The following TRIM14 variants were observed in gnomAD, a reference collection of about 807,000 sequenced individuals.
The protein encoded by TRIM14 is tripartite motif-containing protein 14.
TRIM14 carries 28 observed loss-of-function variants against 44.5 expected under a neutral mutation model. The ratio of observed to expected loss-of-function variants is 0.63; its 90% CI spans 0.47 to 0.86. The LOEUF is 0.86. Ranked by LOEUF, TRIM14 falls within the 40% of genes least tolerant of loss-of-function variation. The pLI is 0.00. For synonymous variants in TRIM14, 299 were observed against 269.2 expected (o/e 1.11, Z -1.08); for missense variants, 607 against 611.1 (o/e 0.99, Z 0.07).
chr9:98,047,252 G>A, the TRIM14 span, among the ~76,000 whole-genome samples: 14 of 152,226 alleles, frequency 9.2e-5, no homozygotes, highest in South Asian at 6.2e-4. Context: ...CATGTAAGAC[G>A]TGCCTTTTGC....
chr9:98,117,334 G>A (rs1458276461), intron 1 of TRIM14, among the ~76,000 whole-genome samples: 3 of 151,884 alleles, frequency 2.0e-5, no homozygotes, highest in African/African-American at 7.3e-5. Context: ...GTCTCACTCT[G>A]TCATCCAGGC....
intron 2 of TRIM14, among the ~76,000 whole-genome samples, chr9:98,102,641 G>A (rs1826441650): frequency 6.6e-6 from 1 of 152,166 alleles, no homozygotes; most frequent in African/African-American, 2.4e-5. Flanking sequence ...CAAATTTATA[G>A]AGACAGAAAG....
At chr9:98,105,686 T>C (rs1826584786) in intron 2 of TRIM14, among the ~76,000 whole-genome samples, 1 of 152,160 alleles carries the variant, frequency 6.6e-6, no homozygotes, top group South Asian at 2.1e-4. Context: ...TGAAGCTAAG[T>C]GACCTGGAAG....
chr9:98,078,951 T>C (rs1223689508), intron 6 of TRIM14, among the ~76,000 whole-genome samples: 1 of 152,210 alleles, frequency 6.6e-6, no homozygotes, highest in Non-Finnish European at 1.5e-5. Context: ...ATTCATCTTT[T>C]TTCATACTGA....
downstream of TRIM14, among the ~76,000 whole-genome samples, chr9:98,083,541 T>C (rs1315129573): frequency 6.6e-6 from 1 of 152,234 alleles, no homozygotes; most frequent in African/African-American, 2.4e-5. Context: ...CAAAGGATCT[T>C]GTAGGCAGAA....
At chr9:98,102,622 T>G (rs1826440664) in intron 2 of TRIM14, among the ~76,000 whole-genome samples, 2 of 152,176 alleles carry the variant, frequency 1.3e-5, no homozygotes, top group South Asian at 4.1e-4. Flanking sequence ...GTGAAACATC[T>G]AGACCAGGCA....
At chr9:98,111,764 C>G (rs572204972) in intron 1 of TRIM14, among the ~76,000 whole-genome samples, 1 of 152,052 alleles carries the variant, frequency 6.6e-6, no homozygotes, top group South Asian at 2.1e-4. Context: ...CGTGGAGAAA[C>G]CCCGTCTCTA....
chr9:98,043,725 CAA>C, the TRIM14 span, among the ~76,000 whole-genome samples: 4 of 130,256 alleles, frequency 3.1e-5, no homozygotes, highest in African/African-American at 5.7e-5. Flanking sequence ...CACTGGCTTG[CAA>C]AAAAAAAAAA....
At chr9:98,078,542 T>C (rs1829697860) in intron 6 of TRIM14, among the ~76,000 whole-genome samples, 1 of 151,992 alleles carries the variant, frequency 6.6e-6, no homozygotes, top group Non-Finnish European at 1.5e-5. Flanking sequence ...TGACTGTAAA[T>C]GAAATTTTCT....
At chr9:98,088,063 C>G in intron 5 of TRIM14, 58 bp from the exon 6 acceptor site, 1 of 1,388,110 alleles carries the variant, frequency 7.2e-7, no homozygotes, top group South Asian at 1.6e-5. Context: ...GGCGCCCCGC[C>G]CCCGGGAACC....
At chr9:98,117,800 T>A (rs1587982286) in intron 1 of TRIM14, among the ~76,000 whole-genome samples, 1 of 152,304 alleles carries the variant, frequency 6.6e-6, no homozygotes, top group East Asian at 1.9e-4. Flanking sequence ...TACTTCAAGT[T>A]GACAGTAGGT....
Position 98,087,476 on chromosome 9 carries a change from C to T in TRIM14, c.1323G>A (p.Leu441=). Residue 441 remains leucine (L), a synonymous_variant, in exon 6 of 6, where the codon CTG becomes CTA. Coordinates refer to ENST00000341469, the MANE Select transcript of TRIM14 (RefSeq NM_014788.4). Reference sequence around the variant, plus strand: ...GTCACGCCGGTCCTGGCCCCTAGGGCAGCCGGGGGATGCTGATGGCCCCCT... The same window carrying T: ...GTCACGCCGGTCCTGGCCCCTAGGGTAGCCGGGGGATGCTGATGGCCCCCT... ...LWEGAISIPR[L]P 6.2e-6 allele frequency: 10 copies of T among 1,603,942 alleles called. No homozygotes were observed. Among genetic ancestry groups the T allele is most frequent in the Non-Finnish European group, 8.5e-6 (10 of 1,174,530 alleles).
the TRIM14 span, among the ~76,000 whole-genome samples, chr9:98,051,972 G>C: frequency 6.6e-6 from 1 of 152,084 alleles, no homozygotes; most frequent in African/African-American, 2.4e-5. Context: ...AGCGTGCAAA[G>C]AGCCAAGTAT....
At chr9:98,067,626 C>G (rs763940042), downstream of TRIM14, among the ~76,000 whole-genome samples, 4 of 151,960 alleles carry the variant, frequency 2.6e-5, no homozygotes, top group Non-Finnish European at 4.4e-5. Context: ...CATGTATAGC[C>G]TTCCAATGAA....
chr9:98,059,170 C>T, the TRIM14 span, among the ~76,000 whole-genome samples: 1 of 151,670 alleles, frequency 6.6e-6, no homozygotes, highest in African/African-American at 2.4e-5. Flanking sequence ...ATTACAGGTG[C>T]CCACCACCAC....
Position 98,100,613 on chromosome 9 carries a change from GTTATCTGCC to G in TRIM14, c.304-458_304-450del, listed in dbSNP as rs1020848217. Among the ~76,000 whole-genome samples the G allele has an allele frequency of 1.9e-4, 29 of 152,170 alleles. No individual in the cohort carries two copies. The East Asian group carries it at 2.1e-3, about 11-fold the overall frequency. On this transcript the variant is annotated intron_variant, in intron 2 of 5. Transcript: ENST00000341469. ...TCAATAAAGAGAAAACTGATAAGAGGTTATCTGCCTTATCTGCCTTATCTGATAACAAAA... is the reference window on the plus strand; with the variant it reads ...TCAATAAAGAGAAAACTGATAAGAGGTTATCTGCCTTATCTGATAACAAAA...
intron 6 of TRIM14, chr9:98,075,638 CTT>C (rs1829557806): frequency 6.6e-6 from 1 of 152,162 alleles, no homozygotes; most frequent in Non-Finnish European, 1.5e-5. Flanking sequence ...TAAGCCCTAA[CTT>C]ATTTCTGAGT....
the TRIM14 span, among the ~76,000 whole-genome samples, chr9:98,053,832 A>AATAAATAAATAAATAAATAT: frequency 6.6e-6 from 1 of 151,898 alleles, no homozygotes; most frequent in Non-Finnish European, 1.5e-5. Context: ...TAAATAAATA[A>AATAAATAAATAAATAAATAT]ATATCATCCT....
chr9:98,109,787 C>G lies in TRIM14; in HGVS notation c.303+102G>C, dbSNP rs906595491. 6.0e-5 allele frequency: 54 copies of G among 903,018 alleles called. No individual in the cohort carries two copies. In the Middle Eastern group the frequency reaches 1.0e-3, roughly 17 times the overall value. 55.9% of individuals were successfully genotyped at this position (903,018 alleles called of 1,614,324 possible). Reference sequence around the variant, plus strand: ...CTCCAGGCCCCACCATCTGCCCCTTCGCAGTTGGTTTTTATTTTCATTGGC... The same window carrying G: ...CTCCAGGCCCCACCATCTGCCCCTTGGCAGTTGGTTTTTATTTTCATTGGC... On this transcript the variant is annotated intron_variant, in intron 2 of 5. Coordinates refer to ENST00000341469, the MANE Select transcript of TRIM14 (RefSeq NM_014788.4).
Sources: gnomAD v4.1 joint callset for allele counts (sites outside exome capture counted in the v4.1 genomes callset) on GRCh38, gnomAD v4.1.1 for gene constraint, MANE v1.5 for transcripts, NCBI Gene and HGNC (gene_info 2026-07-23, HGNC 2026-07-21) for gene names.